The following EXOC4 variants were observed in gnomAD, a reference collection of about 807,000 sequenced individuals.
EXOC4 encodes the protein exocyst complex component 4, also known as SEC8-like 1.
Under a neutral mutation model 107.2 loss-of-function variants are expected in EXOC4, and 71 were observed. The ratio of observed to expected loss-of-function variants is 0.66; its 90% confidence interval spans 0.55 to 0.81. The LOEUF (loss-of-function observed/expected upper bound fraction) is 0.81. Ranked by LOEUF, EXOC4 falls within the 30% of genes least tolerant of loss-of-function variation. EXOC4 has a pLI of 0.00. For synonymous variants in EXOC4, 456 were observed against 441.2 expected, an observed-to-expected ratio of 1.03 and a Z score of -0.42; for missense variants, 1,108 against 1,189.6, an observed-to-expected ratio of 0.93 and a Z score of 1.01.
chr7:133,500,003 A>T (rs1490555390), intron 9 of EXOC4, among the ~76,000 whole-genome samples: 1 of 152,172 alleles, frequency 6.6e-6, no homozygotes, highest in Non-Finnish European at 1.5e-5. Context: ...GCTAAGGAAA[A>T]AAAAAACATG....
At chr7:133,319,178 G>T (rs568749220) in intron 5 of EXOC4, among the ~76,000 whole-genome samples, 8 of 152,306 alleles carry the variant, frequency 5.3e-5, no homozygotes, top group African/African-American at 1.9e-4. Flanking sequence ...AATTATTTAT[G>T]AAGAAATGAC....
chr7:133,604,769 G>A (rs1435644980), intron 9 of EXOC4, among the ~76,000 whole-genome samples: 3 of 117,090 alleles, frequency 2.6e-5, no homozygotes, highest in Admixed American at 2.5e-4. Context: ...TGTTGCCCAG[G>A]CTGGAGTGCA....
intron 9 of EXOC4, among the ~76,000 whole-genome samples, chr7:133,488,458 A>G (rs537218782): frequency 6.6e-6 from 1 of 152,232 alleles, no homozygotes; most frequent in South Asian, 2.1e-4. Context: ...CACCCAGGGT[A>G]CTATTTAAAA....
chr7:133,418,898 A>G (rs917573890), intron 7 of EXOC4, among the ~76,000 whole-genome samples: 1 of 152,200 alleles, frequency 6.6e-6, no homozygotes, highest in East Asian at 1.9e-4. Flanking sequence ...TCAGAATTTA[A>G]ATTAAAAATG....
chr7:133,884,323 C>T (rs1799031083), intron 11 of EXOC4, among the ~76,000 whole-genome samples: 1 of 152,212 alleles, frequency 6.6e-6, no homozygotes, highest in Non-Finnish European at 1.5e-5. Context: ...AGCATTTCCA[C>T]TTACCACCCT....
intron 10 of EXOC4, among the ~76,000 whole-genome samples, chr7:133,790,448 G>C (rs1425854654): frequency 6.6e-6 from 1 of 152,190 alleles, no homozygotes; most frequent in Non-Finnish European, 1.5e-5. Context: ...CTGTGGGGGT[G>C]ATGACCATAA....
intron 7 of EXOC4, among the ~76,000 whole-genome samples, chr7:133,455,492 C>G (rs73724591): frequency 6.6e-6 from 1 of 151,970 alleles, no homozygotes; most frequent in Non-Finnish European, 1.5e-5. Context: ...AGATTTTAAT[C>G]GTAGATTTTC....
chr7:134,037,137 A>C (rs1286775331), intron 17 of EXOC4, among the ~76,000 whole-genome samples: 1 of 152,188 alleles, frequency 6.6e-6, no homozygotes, highest in Non-Finnish European at 1.5e-5. Flanking sequence ...TCTCATTTTA[A>C]ACAGCAATAT....
chr7:133,802,334 C>G (rs1028100843), intron 10 of EXOC4, among the ~76,000 whole-genome samples: 1 of 152,224 alleles, frequency 6.6e-6, no homozygotes, highest in Non-Finnish European at 1.5e-5. Context: ...TTTGTAAGTG[C>G]TAACATGCAC....
At chr7:134,069,231 T>TTCTTCTC (rs1563112320), downstream of EXOC4, among the ~76,000 whole-genome samples, 4 of 31,770 alleles carry the variant, frequency 1.3e-4, no homozygotes, top group African/African-American at 8.2e-4. Flanking sequence ...TCCTTCTTCT[T>TTCTTCTC]CTCCTTATTC....
chr7:133,401,459 A>G (rs1393811715), intron 7 of EXOC4, among the ~76,000 whole-genome samples: 1 of 151,988 alleles, frequency 6.6e-6, no homozygotes, highest in East Asian at 1.9e-4. Context: ...TCAGGAATTC[A>G]AGACCAGCCT....
chr7:133,989,767 G>A (rs1167989995), intron 14 of EXOC4, among the ~76,000 whole-genome samples: 1 of 152,202 alleles, frequency 6.6e-6, no homozygotes, highest in Non-Finnish European at 1.5e-5. Flanking sequence ...TAGGAGGTGG[G>A]ACTGGAGAAA....
intron 9 of EXOC4, among the ~76,000 whole-genome samples, chr7:133,599,891 A>ATTT (rs762443674): frequency 1.8e-5 from 1 of 54,844 alleles, no homozygotes; most frequent in East Asian, 6.2e-4. Flanking sequence ...CAGATCTCTG[A>ATTT]TTTTTTTTTT....
chr7:133,463,653 A>G (rs1798646518), intron 7 of EXOC4, among the ~76,000 whole-genome samples: 1 of 152,170 alleles, frequency 6.6e-6, no homozygotes, highest in South Asian at 2.1e-4. Flanking sequence ...TTACAGCCTA[A>G]CTACTAATAC....
At chr7:133,264,761 A>G (rs1287978105) in intron 1 of EXOC4, among the ~76,000 whole-genome samples, 2 of 152,176 alleles carry the variant, frequency 1.3e-5, no homozygotes, top group African/African-American at 4.8e-5. Flanking sequence ...GTCATATACA[A>G]AATGTTCTGC....
intron 9 of EXOC4, among the ~76,000 whole-genome samples, chr7:133,513,172 T>C (rs916603915): frequency 6.6e-6 from 1 of 152,152 alleles, no homozygotes; most frequent in Non-Finnish European, 1.5e-5. Context: ...TTAAAAATTT[T>C]TATTTTTAAA....
At chr7:133,397,633 C>A (rs1797000249) in intron 7 of EXOC4, among the ~76,000 whole-genome samples, 1 of 152,030 alleles carries the variant, frequency 6.6e-6, no homozygotes, top group Non-Finnish European at 1.5e-5. Flanking sequence ...AATTTTCCAG[C>A]CTATCTTCTG....
At chr7:133,374,727 T>C (rs1796449329) in intron 6 of EXOC4, 101 bp from the exon 7 acceptor site, 1 of 927,646 alleles carries the variant, frequency 1.1e-6, no homozygotes, top group South Asian at 1.8e-5. Context: ...GTTTACATTG[T>C]AGAATGCTAC....
chr7:133,509,005 G>T lies in EXOC4; in HGVS notation c.1417+28867G>T, dbSNP rs910433406. On this transcript the variant is annotated intron_variant, in intron 9 of 17. Transcript: ENST00000253861. Reference sequence around the variant, plus strand: ...TTTTAAAAGGCACATAGTAGAAACTGCTGGTTGCTTAGTATCCAATTACCC... The same window carrying T: ...TTTTAAAAGGCACATAGTAGAAACTTCTGGTTGCTTAGTATCCAATTACCC... Among the ~76,000 whole-genome samples, 3 of 152,286 alleles carry T rather than the reference G, an allele frequency of 2.0e-5. No homozygotes were observed. The South Asian group carries it at 6.2e-4, about 32-fold the overall frequency.
Sources: gnomAD v4.1 joint callset for allele counts (sites outside exome capture counted in the v4.1 genomes callset) on GRCh38, gnomAD v4.1.1 for gene constraint, MANE v1.5 for transcripts, NCBI Gene and HGNC (gene_info 2026-07-23, HGNC 2026-07-21) for gene names.